SGSM1: variants seen among roughly 807,000 people sequenced by gnomAD.
The protein encoded by SGSM1 is RUN and TBC1 domain containing 2.
SGSM1 carries 73 observed loss-of-function variants against 133.8 expected under a neutral mutation model. The ratio of observed to expected loss-of-function variants is 0.55; its 90% CI spans 0.45 to 0.66. SGSM1 has a LOEUF of 0.66. SGSM1 is among the 30% of genes least tolerant of loss of function. The probability of loss-of-function intolerance (pLI) is 0.00; values close to 1 mark genes in which losing one functional copy is unlikely to be tolerated. For synonymous variants in SGSM1, 563 were observed against 573.0 expected, an observed-to-expected ratio of 0.98 and a Z score of 0.25; for missense variants, 1,213 against 1,448.1, an observed-to-expected ratio of 0.84 and a Z score of 2.64.
In SGSM1 at chr22:24,806,426, T is replaced by A. The variant is rs1442294721; in HGVS notation, c.20-15T>A. On this transcript the variant is annotated splice_polypyrimidine_tract_variant and intron_variant, in intron 1 of 24. Transcript: ENST00000400358. ...TCTCTCGGCTGACCCGCGGCTCTCG[T>A]TTCTTGTCCCACAGAGGCGGAGACC... is the stretch of plus-strand genomic sequence containing the variant. 5 of 1,522,594 alleles carry A rather than the reference T, an allele frequency of 3.3e-6. No homozygotes were observed. The Admixed American group carries it at 1.0e-4, about 32-fold the overall frequency. The allele number at this position is 1,522,594 out of a possible 1,614,324, so 94.3% of individuals were successfully genotyped here.
At chr22:24,912,225 T>C (rs1933653195) in intron 21 of SGSM1, among the ~76,000 whole-genome samples, 1 of 152,084 alleles carries the variant, frequency 6.6e-6, no homozygotes, top group East Asian at 1.9e-4. Context: ...GCTAAGGAAA[T>C]CTGAATACAA....
intron 2 of SGSM1, among the ~76,000 whole-genome samples, chr22:24,840,202 C>T (rs1929710747): frequency 6.6e-6 from 1 of 152,136 alleles, no homozygotes; most frequent in South Asian, 2.1e-4. Flanking sequence ...CATCAGCCTT[C>T]CAGATTGCTG....
chr22:24,924,157 T>C (rs1934110030), intron 24 of SGSM1, 29 bp from the exon 25 acceptor site: 3 of 1,607,830 alleles, frequency 1.9e-6, no homozygotes, highest in African/African-American at 2.7e-5. Flanking sequence ...AGAAGGAGGC[T>C]CATGAGATTT....
intron 2 of SGSM1, among the ~76,000 whole-genome samples, chr22:24,811,549 A>C (rs780733745): frequency 7.2e-5 from 11 of 152,120 alleles, no homozygotes; most frequent in Non-Finnish European, 1.3e-4. Context: ...GCCATAGAAG[A>C]GAGATTGGAC....
At chr22:24,858,190 G>T (rs1286189563) in intron 8 of SGSM1, among the ~76,000 whole-genome samples, 2 of 152,060 alleles carry the variant, frequency 1.3e-5, no homozygotes, top group Admixed American at 1.3e-4. Context: ...ATGTTGCCCA[G>T]GCTGATCTAA....
intron 18 of SGSM1, 37 bp from the exon 19 acceptor site, chr22:24,897,935 A>T: frequency 2.0e-6 from 3 of 1,532,806 alleles, no homozygotes; most frequent in African/African-American, 1.4e-5. Flanking sequence ...TGCAGTCGAC[A>T]TGCCGGTCCA....
intron 23 of SGSM1, among the ~76,000 whole-genome samples, chr22:24,918,922 G>A (rs901546401): frequency 2.0e-5 from 3 of 151,458 alleles, no homozygotes; most frequent in African/African-American, 7.3e-5. Context: ...TGTATTTTTA[G>A]TAGAGGCAGG....
At chr22:24,888,569 A>G (rs2123682653) in intron 16 of SGSM1, among the ~76,000 whole-genome samples, 1 of 152,228 alleles carries the variant, frequency 6.6e-6, no homozygotes, top group Non-Finnish European at 1.5e-5. Flanking sequence ...GGAGTTCAAG[A>G]CCAGCCTGAC....
chr22:24,841,065 T>C (rs1249391157), intron 2 of SGSM1, among the ~76,000 whole-genome samples: 1 of 151,968 alleles, frequency 6.6e-6, no homozygotes, highest in African/African-American at 2.4e-5. Context: ...TTAGCCAAGA[T>C]GGTCTCGATC....
chr22:24,851,702 C>G (rs1009445374), intron 5 of SGSM1, among the ~76,000 whole-genome samples: 1 of 152,158 alleles, frequency 6.6e-6, no homozygotes, highest in Non-Finnish European at 1.5e-5. Flanking sequence ...TCCAAGGGGG[C>G]GTGGTGGCGT....
intron 2 of SGSM1, among the ~76,000 whole-genome samples, chr22:24,808,879 C>T (rs1484786127): frequency 6.6e-6 from 1 of 152,154 alleles, no homozygotes; most frequent in African/African-American, 2.4e-5. Flanking sequence ...GACTTACCCC[C>T]CAGGTCTTTT....
chr22:24,919,958 AC>A lies in SGSM1; in HGVS notation c.3159del (p.Asn1053LysfsTer24). The A allele has an allele frequency of 6.2e-7, 1 of 1,612,470 alleles. No homozygotes were observed. Among genetic ancestry groups the A allele is most frequent in the Non-Finnish European group, 8.5e-7 (1 of 1,179,256 alleles). ...TACCGTGACATCATTTTGGAGAACA[AC>A]ATGGATTTCACAGACATCATCAAAT... Reference protein sequence around the residue: ...EVYRDIILENNMDFTDIIKFF... With the variant: ...EVYRDIILENXMDFTDIIKFF... On this transcript the variant is annotated frameshift_variant, in exon 24 of 25. Transcript: ENST00000400358. LOFTEE classifies it high-confidence loss of function.
At chr22:24,922,723 G>A (rs5760736) in intron 24 of SGSM1, among the ~76,000 whole-genome samples, 31,862 of 150,296 alleles carry the variant, frequency 0.21, 4,047 homozygotes, top group East Asian at 0.56. Context: ...TGATCCACCC[G>A]CCTCGGCCTC....
intron 24 of SGSM1, 76 bp downstream of exon 24, chr22:24,920,069 A>G (rs1933953907): frequency 2.7e-6 from 4 of 1,466,784 alleles, no homozygotes; most frequent in African/African-American, 2.8e-5. Context: ...AGGAGGAATG[A>G]AGATGGGCTG....
rs757118292 is a variant in SGSM1 at position 24,924,158 on chromosome 22, C to T, written c.3194-28C>T. Reference sequence around the variant, plus strand: ...CTAAGACTGGACACAGAAGGAGGCTCATGAGATTTTTCTTTCTGCTCTTTC... The same window carrying T: ...CTAAGACTGGACACAGAAGGAGGCTTATGAGATTTTTCTTTCTGCTCTTTC... On this transcript the variant is annotated intron_variant, in intron 24 of 24. Coordinates refer to ENST00000400358, the MANE Select transcript of SGSM1 (RefSeq NM_001098497.3). 4.4e-6 allele frequency: 7 copies of T among 1,608,778 alleles called. No homozygotes were observed. In the Admixed American group the frequency reaches 6.7e-5, roughly 15 times the overall value.
chr22:24,859,881 AC>A lies in SGSM1; in HGVS notation c.926+42del, dbSNP rs760251808. On this transcript the variant is annotated intron_variant, in intron 9 of 24. Coordinates refer to ENST00000400358, the MANE Select transcript of SGSM1 (RefSeq NM_001098497.3). ...TGATACGTATCCCTTGGGTCCCTCCACTCGCCTTGGCACAAGGAAGTTCCTC... is the reference window on the plus strand; with the variant it reads ...TGATACGTATCCCTTGGGTCCCTCCATCGCCTTGGCACAAGGAAGTTCCTC... 5 of 1,609,268 alleles carry A rather than the reference AC, an allele frequency of 3.1e-6. No individual in the cohort carries two copies. In the African/African-American group the frequency reaches 6.7e-5, roughly 22 times the overall value.
At chr22:24,917,473 G>T (rs564392020) in intron 22 of SGSM1, among the ~76,000 whole-genome samples, 185 bp from the exon 23 acceptor site, 1 of 152,108 alleles carries the variant, frequency 6.6e-6, no homozygotes, top group Non-Finnish European at 1.5e-5. Context: ...TTCATATGCC[G>T]CTTGGCCATT....
chr22:24,856,336 A>G (rs1372652078), intron 8 of SGSM1, among the ~76,000 whole-genome samples: 6 of 152,098 alleles, frequency 3.9e-5, no homozygotes, highest in Non-Finnish European at 8.8e-5. Context: ...TGCGGGCCTC[A>G]GTATTATCAG....
At position 24,806,224 on chromosome 22, in the gene SGSM1, C is replaced by A; in HGVS notation, c.-102C>A. 7.8e-7 allele frequency: 1 copy of A among 1,285,234 alleles called. No individual in the cohort carries two copies. Among genetic ancestry groups the A allele is most frequent in the Non-Finnish European group, 9.8e-7 (1 of 1,019,948 alleles). 79.6% of individuals were successfully genotyped at this position (1,285,234 alleles called of 1,614,324 possible). A position where few individuals can be genotyped will look rare whatever the true frequency, so the allele number is the denominator to read the frequency against. ...CCTCCGGCCGTCACTCAGCGCTCGGCCCCGCCCCGCCGCGGCTGCAGCAGC... is the reference window on the plus strand; with the variant it reads ...CCTCCGGCCGTCACTCAGCGCTCGGACCCGCCCCGCCGCGGCTGCAGCAGC... On this transcript the variant is annotated 5_prime_UTR_variant, in exon 1 of 25. Transcript: ENST00000400358.
Sources: gnomAD v4.1 joint callset for allele counts (sites outside exome capture counted in the v4.1 genomes callset) on GRCh38, gnomAD v4.1.1 for gene constraint, MANE v1.5 for transcripts, NCBI Gene and HGNC (gene_info 2026-07-23, HGNC 2026-07-21) for gene names.